The following ALDH1A2 variants were observed in gnomAD, a reference collection of about 807,000 sequenced individuals.
The protein encoded by ALDH1A2 is aldehyde dehydrogenase 1 family member A2.
A neutral mutation model predicts 60.3 loss-of-function variants in ALDH1A2; 27 were observed. The ratio of observed to expected loss-of-function variants is 0.45; its 90% CI spans 0.33 to 0.62. The LOEUF (loss-of-function observed/expected upper bound fraction) is 0.62. Ranked by LOEUF, ALDH1A2 falls within the 20% of genes least tolerant of loss-of-function variation. ALDH1A2 has a pLI of 0.02. For synonymous variants in ALDH1A2, 289 were observed against 232.4 expected (o/e 1.24, Z -2.21); for missense variants, 581 against 643.8 (o/e 0.90, Z 1.06).
In ALDH1A2 at chr15:57,963,897, C is replaced by CT; in HGVS notation, c.1073dup (p.Gln359AlafsTer6). On this transcript the variant is annotated frameshift_variant, in exon 9 of 13. Transcript: ENST00000249750. LOFTEE classifies it high-confidence loss of function. ...ATGATTTTTCTACCTGGGGACCCTG[C>CT]TCAGTGGTGGGGTCAAAGGGACTCC... 6.2e-7 allele frequency: 1 copy of CT among 1,614,178 alleles called. No individual in the cohort carries two copies. Among genetic ancestry groups the CT allele is most frequent in the Non-Finnish European group, 8.5e-7 (1 of 1,180,004 alleles).
At chr15:57,971,265 ACT>A (rs1248731958) in intron 7 of ALDH1A2, among the ~76,000 whole-genome samples, 3 of 151,782 alleles carry the variant, frequency 2.0e-5, no homozygotes, top group Admixed American at 1.3e-4. Context: ...TACAGAGATA[ACT>A]CTTTCACCTC....
At chr15:58,023,968 C>T (rs1239543947) in intron 1 of ALDH1A2, among the ~76,000 whole-genome samples, 1 of 152,154 alleles carries the variant, frequency 6.6e-6, no homozygotes, top group Non-Finnish European at 1.5e-5. Flanking sequence ...TGGCACATGC[C>T]TGTAATCTCA....
chr15:57,977,207 T>C (rs1894290093), intron 7 of ALDH1A2, among the ~76,000 whole-genome samples: 1 of 152,174 alleles, frequency 6.6e-6, no homozygotes, highest in Non-Finnish European at 1.5e-5. Context: ...AGGTTGCCTG[T>C]TCACTCTGAT....
intron 5 of ALDH1A2, 96 bp from the exon 6 acceptor site, chr15:57,993,169 C>T (rs1034498182): frequency 7.7e-6 from 11 of 1,436,002 alleles, no homozygotes; most frequent in East Asian, 2.4e-5. Context: ...AACTAGTCCT[C>T]GACATAAATC....
intron 7 of ALDH1A2, 96 bp downstream of exon 7, chr15:57,992,609 T>C: frequency 8.9e-7 from 1 of 1,127,254 alleles, no homozygotes; most frequent in Non-Finnish European, 1.3e-6. Context: ...ACTGCCCTTT[T>C]GGTGTCTAGC....
intron 3 of ALDH1A2, 125 bp downstream of exon 3, chr15:58,013,733 C>T (rs1895703600): frequency 7.6e-7 from 1 of 1,316,406 alleles, no homozygotes; most frequent in Admixed American, 2.4e-5. Context: ...GCCTGGGCGA[C>T]AGAGCTAGAC....
chr15:57,991,329 C>A (rs969910147), intron 7 of ALDH1A2: 1 of 152,062 alleles, frequency 6.6e-6, no homozygotes, highest in Admixed American at 6.6e-5. Flanking sequence ...CATTAAACTG[C>A]AAAATTACAA....
At chr15:58,037,566 A>C (rs1896408782) in intron 1 of ALDH1A2, among the ~76,000 whole-genome samples, 1 of 151,754 alleles carries the variant, frequency 6.6e-6, no homozygotes, top group Non-Finnish European at 1.5e-5. Flanking sequence ...CAGCCTGAAA[A>C]CATGGACAGC....
At chr15:58,047,520 G>T (rs1459986200) in intron 1 of ALDH1A2, among the ~76,000 whole-genome samples, 1 of 151,884 alleles carries the variant, frequency 6.6e-6, no homozygotes, top group Non-Finnish European at 1.5e-5. Context: ...AAATGGCAGC[G>T]CTATCATTTA....
chr15:58,054,124 ATAAC>A (rs1896840320), intron 1 of ALDH1A2, among the ~76,000 whole-genome samples: 1 of 152,170 alleles, frequency 6.6e-6, no homozygotes, highest in South Asian at 2.1e-4. Context: ...GTTCCCAGGC[ATAAC>A]TAACCATTTC....
At chr15:58,053,191 T>A (rs1896818250) in intron 1 of ALDH1A2, among the ~76,000 whole-genome samples, 1 of 152,096 alleles carries the variant, frequency 6.6e-6, no homozygotes, top group Non-Finnish European at 1.5e-5. Flanking sequence ...ACAGTAATAA[T>A]AAAGTTCGAA....
chr15:57,984,639 C>G (rs761107915), intron 7 of ALDH1A2, among the ~76,000 whole-genome samples: 1 of 152,178 alleles, frequency 6.6e-6, no homozygotes. Context: ...TGGATTCTTT[C>G]ATTTGGTATA....
intron 7 of ALDH1A2, among the ~76,000 whole-genome samples, chr15:57,990,862 T>G (rs1894873550): frequency 1.3e-5 from 1 of 76,782 alleles, no homozygotes; most frequent in Non-Finnish European, 2.6e-5. Flanking sequence ...GGCAAAAGAG[T>G]GAAACTCCAT....
Position 58,065,642 on chromosome 15 carries a change from G to C in ALDH1A2, c.9C>G (p.Ser3=). 2 of 1,596,238 alleles carry C rather than the reference G, an allele frequency of 1.3e-6. No individual in the cohort carries two copies. Among genetic ancestry groups the C allele is most frequent in the Non-Finnish European group, 1.7e-6 (2 of 1,170,324 alleles). MT[S]SKIEMPGEVK... ...CCTCGCCGGGCATCTCTATCTTGCTGGAAGTCATGGTGGCGGGCCGGGTGT... is the reference window on the plus strand; with the variant it reads ...CCTCGCCGGGCATCTCTATCTTGCTCGAAGTCATGGTGGCGGGCCGGGTGT... Residue 3 remains serine (S), a synonymous_variant, in exon 1 of 13, where the codon TCC becomes TCG. Coordinates refer to ENST00000249750, the MANE Select transcript of ALDH1A2 (RefSeq NM_003888.4).
intron 9 of ALDH1A2, among the ~76,000 whole-genome samples, chr15:57,963,168 A>G (rs550325251): frequency 1.3e-5 from 2 of 152,310 alleles, no homozygotes; most frequent in Non-Finnish European, 2.9e-5. Flanking sequence ...GTAAAAGGAT[A>G]GATGGCTCTA....
chr15:58,014,033 C>G, intron 2 of ALDH1A2, 35 bp from the exon 3 acceptor site: 1 of 1,614,088 alleles, frequency 6.2e-7, no homozygotes, highest in Non-Finnish European at 8.5e-7. Flanking sequence ...TGAAGAAAAA[C>G]ACTCCAAATA....
chr15:58,008,723 C>A (rs1287419141), intron 4 of ALDH1A2, among the ~76,000 whole-genome samples: 1 of 152,040 alleles, frequency 6.6e-6, no homozygotes, highest in African/African-American at 2.4e-5. Flanking sequence ...ACCAAAAAAA[C>A]CAACAACTAG....
chr15:57,971,428 T>C (rs563324359), intron 7 of ALDH1A2, among the ~76,000 whole-genome samples: 2 of 152,264 alleles, frequency 1.3e-5, no homozygotes, highest in East Asian at 3.9e-4. Context: ...AAAATATGCA[T>C]ATGTACACAG....
chr15:58,048,370 G>T (rs1455073733), intron 1 of ALDH1A2, among the ~76,000 whole-genome samples: 1 of 152,054 alleles, frequency 6.6e-6, no homozygotes, highest in African/African-American at 2.4e-5. Flanking sequence ...AGGTAGCCAA[G>T]ATCCACCTAG....
Sources: allele counts gnomAD v4.1 joint callset (sites outside exome capture counted in the v4.1 genomes callset), GRCh38; gene constraint gnomAD v4.1.1; transcripts MANE v1.5; gene names NCBI Gene and HGNC (gene_info 2026-07-23, HGNC 2026-07-21).